ANKFN1: variants seen among roughly 807,000 people sequenced by gnomAD.
ANKFN1 encodes the protein ankyrin repeat and fibronectin type-III domain-containing protein 1.
Under a neutral mutation model 108.7 loss-of-function variants are expected in ANKFN1, and 74 were observed. The observed-to-expected ratio is 0.68, with a 90% CI of 0.56 to 0.83. The LOEUF is 0.83. ANKFN1 is among the 40% of genes least tolerant of loss of function. The probability of loss-of-function intolerance (pLI) is 0.00; values close to 1 mark genes in which losing one functional copy is unlikely to be tolerated. For synonymous variants in ANKFN1, 547 were observed against 516.2 expected, an observed-to-expected ratio of 1.06 and a Z score of -0.81; for missense variants, 1,505 against 1,382.3, an observed-to-expected ratio of 1.09 and a Z score of -1.41.
chr17:56,064,927 T>C (rs1905036503), intron 4 of ANKFN1, among the ~76,000 whole-genome samples: 1 of 152,128 alleles, frequency 6.6e-6, no homozygotes, highest in Non-Finnish European at 1.5e-5. Flanking sequence ...CCCACCTAGG[T>C]AGCACATTCA....
At chr17:56,505,869 T>C (rs924398251) in intron 20 of ANKFN1, among the ~76,000 whole-genome samples, 2 of 152,200 alleles carry the variant, frequency 1.3e-5, no homozygotes, top group Non-Finnish European at 2.9e-5. Flanking sequence ...ACTATTCGTA[T>C]GTTGGGAGAT....
In ANKFN1 at chr17:56,498,887, A is replaced by G; in HGVS notation, c.2433A>G (p.Ile811Met). The G allele has an allele frequency of 3.3e-6, 5 of 1,535,310 alleles. No individual in the cohort carries two copies. The highest frequency in any genetic ancestry group is 4.4e-6 in the Non-Finnish European group (5 of 1,146,252). ...HQQVLDFIQQ[I>M]DEVWREMRWI... ...TTTACCATTTTATTCCAAAGCAAAT[A>G]GATGAAGTCTGGCGTGAAATGAGAT... Residue 811 changes from isoleucine to methionine, a missense_variant, in exon 20 of 21, where the codon ATA becomes ATG. Physicochemically the swap from Ile to Met is conservative, Grantham distance 10. Coordinates refer to ENST00000682825, the MANE Select transcript of ANKFN1 (RefSeq NM_001370326.1).
chr17:56,241,325 G>A (rs183645950), intron 3 of ANKFN1, among the ~76,000 whole-genome samples: 1 of 152,148 alleles, frequency 6.6e-6, no homozygotes, highest in African/African-American at 2.4e-5. Context: ...GTTACATTTT[G>A]TATGCTGTGA....
intron 4 of ANKFN1, among the ~76,000 whole-genome samples, chr17:56,091,902 G>C (rs1004580838): frequency 4.0e-5 from 6 of 151,328 alleles, no homozygotes; most frequent in African/African-American, 1.5e-4. Context: ...AGAGGGACAG[G>C]GAGAGTATCA....
At position 56,189,170 on chromosome 17, in the gene ANKFN1, C is replaced by CTTTTTTTTTTTTT. The variant is rs532063852; in HGVS notation, c.-70-23422_-70-23410dup. On this transcript the variant is annotated intron_variant, in intron 1 of 20. Coordinates refer to ENST00000682825, the MANE Select transcript of ANKFN1 (RefSeq NM_001370326.1). ...CCTAAGTAAGTAAATGTTGCCCTGA[C>CTTTTTTTTTTTTT]TTTTTTTTTTTTTTTTTTGAGACGG... 1.7e-3 allele frequency among the ~76,000 whole-genome samples: 142 copies of CTTTTTTTTTTTTT among 85,248 alleles called. 18 individuals are homozygous for CTTTTTTTTTTTTT. Among genetic ancestry groups the CTTTTTTTTTTTTT allele is most frequent in the African/African-American group, 7.6e-3 (112 of 14,752 alleles). 55.9% of individuals were successfully genotyped at this position (85,248 alleles called of 152,430 possible). A position where few individuals can be genotyped will look rare whatever the true frequency, so the allele number is the denominator to read the frequency against.
intron 17 of ANKFN1, among the ~76,000 whole-genome samples, chr17:56,481,936 C>A (rs10515127): frequency 0.12 from 18,526 of 151,958 alleles, 1,673 homozygotes; most frequent in African/African-American, 0.25. Context: ...AACTGCCTAA[C>A]AGTGCATACA....
chr17:56,345,112 C>G (rs2046062524), intron 4 of ANKFN1, among the ~76,000 whole-genome samples: 1 of 151,934 alleles, frequency 6.6e-6, no homozygotes, highest in Admixed American at 6.6e-5. Flanking sequence ...TCTCATTGTT[C>G]AACCCCACTT....
At chr17:56,079,903 A>G (rs1189901535) in intron 4 of ANKFN1, among the ~76,000 whole-genome samples, 1 of 152,216 alleles carries the variant, frequency 6.6e-6, no homozygotes, top group Non-Finnish European at 1.5e-5. Flanking sequence ...AAAGACACAT[A>G]AGAGGGCAGG....
chr17:56,302,895 G>A (rs2044714894), intron 3 of ANKFN1, among the ~76,000 whole-genome samples: 1 of 152,148 alleles, frequency 6.6e-6, no homozygotes, highest in East Asian at 1.9e-4. Flanking sequence ...TCTATTCTAA[G>A]AATTGTCATG....
rs560608358 is a variant in ANKFN1, at chr17:56,217,444, C to A, written c.12+4765C>A. 1.4e-3 allele frequency among the ~76,000 whole-genome samples: 213 copies of A among 152,318 alleles called. 2 individuals are homozygous for A. Among genetic ancestry groups the A allele is most frequent in the African/African-American group, 4.9e-3 (202 of 41,554 alleles). On this transcript the variant is annotated intron_variant, in intron 2 of 20. Coordinates refer to ENST00000682825, the MANE Select transcript of ANKFN1 (RefSeq NM_001370326.1). ...ATTGTGTTGAACAGAATGCATAGAGCAGTGGTTCTTAATTGAGGAGGAAGG... is the reference window on the plus strand; with the variant it reads ...ATTGTGTTGAACAGAATGCATAGAGAAGTGGTTCTTAATTGAGGAGGAAGG...
intron 6 of ANKFN1, 39 bp from the exon 7 acceptor site, chr17:56,372,607 C>T (rs758955850): frequency 2.6e-6 from 4 of 1,564,732 alleles, no homozygotes; most frequent in Non-Finnish European, 3.5e-6. Flanking sequence ...AGCATTTCCC[C>T]AGAAAGAAAG....
At chr17:56,325,873 C>T (rs1253050649) in intron 3 of ANKFN1, among the ~76,000 whole-genome samples, 1 of 152,226 alleles carries the variant, frequency 6.6e-6, no homozygotes, top group Non-Finnish European at 1.5e-5. Flanking sequence ...TAGTGACCCA[C>T]TGCCCCTCTG....
rs763995334 is a variant in ANKFN1 at position 56,363,319 on chromosome 17, A to G, written c.601+9273A>G. Among the ~76,000 whole-genome samples the G allele has an allele frequency of 3.3e-5, 5 of 152,322 alleles. No homozygotes were observed. In the South Asian group the frequency reaches 1.0e-3, roughly 32 times the overall value. ...CCAACAGATATATGGAAAAAAAATG[A>G]TCAGCACCTCTAATCTTCAGGAAAA... On this transcript the variant is annotated intron_variant, in intron 6 of 20. Transcript: ENST00000682825.
chr17:56,278,865 C>A (rs1341673616), intron 3 of ANKFN1, among the ~76,000 whole-genome samples: 1 of 152,152 alleles, frequency 6.6e-6, no homozygotes, highest in East Asian at 1.9e-4. Context: ...GTGATAAAAA[C>A]TGTGAAACTA....
chr17:56,450,145 C>G (rs772148865), intron 11 of ANKFN1, among the ~76,000 whole-genome samples: 2 of 152,116 alleles, frequency 1.3e-5, no homozygotes, highest in Non-Finnish European at 2.9e-5. Context: ...GTAAGAAATC[C>G]ACTATTGTGG....
At chr17:56,080,044 C>T (rs1285853185) in intron 4 of ANKFN1, among the ~76,000 whole-genome samples, 2 of 152,140 alleles carry the variant, frequency 1.3e-5, no homozygotes, top group Admixed American at 1.3e-4. Flanking sequence ...GGCTTGGTTA[C>T]TCAGAGATTA....
At chr17:56,066,956 C>T (rs1410369683) in intron 4 of ANKFN1, among the ~76,000 whole-genome samples, 7 of 152,120 alleles carry the variant, frequency 4.6e-5, no homozygotes, top group Admixed American at 2.0e-4. Flanking sequence ...TTTGGGAGGC[C>T]AAGGCTGGCA....
chr17:56,090,118 G>A (rs1199546926), intron 4 of ANKFN1, among the ~76,000 whole-genome samples: 1 of 151,330 alleles, frequency 6.6e-6, no homozygotes, highest in African/African-American at 2.4e-5. Flanking sequence ...AAGATGTTAA[G>A]CATGACGAGG....
chr17:56,298,096 AACT>A (rs1168429141), intron 3 of ANKFN1, among the ~76,000 whole-genome samples: 5 of 152,142 alleles, frequency 3.3e-5, no homozygotes, highest in African/African-American at 1.2e-4. Context: ...CCTACCTTGG[AACT>A]ACTAAGTCAG....
Sources: gnomAD v4.1 joint callset for allele counts (sites outside exome capture counted in the v4.1 genomes callset) on GRCh38, gnomAD v4.1.1 for gene constraint, MANE v1.5 for transcripts, NCBI Gene and HGNC (gene_info 2026-07-23, HGNC 2026-07-21) for gene names.